Variants in PTPRN2 observed in about 807,000 individuals in gnomAD.
The protein encoded by PTPRN2 is protein tyrosine phosphatase receptor type N2.
A neutral mutation model predicts 118.8 loss-of-function variants in PTPRN2; 74 were observed. The ratio of observed to expected loss-of-function variants is 0.62; its 90% CI spans 0.52 to 0.76. The LOEUF is 0.76. Ranked by LOEUF, PTPRN2 falls within the 30% of genes least tolerant of loss-of-function variation. The probability of loss-of-function intolerance (pLI) is 0.00; values close to 1 mark genes in which losing one functional copy is unlikely to be tolerated. For synonymous variants in PTPRN2, 641 were observed against 608.0 expected (o/e 1.05, Z -0.80); for missense variants, 1,481 against 1,394.4 (o/e 1.06, Z -0.99).
intron 6 of PTPRN2, among the ~76,000 whole-genome samples, chr7:158,164,375 G>GC (rs1822707629): frequency 5.4e-5 from 2 of 37,034 alleles, no homozygotes; most frequent in African/African-American, 1.2e-4. Flanking sequence ...AGAGCAGGAG[G>GC]GTGCGTAGGA....
intron 11 of PTPRN2, among the ~76,000 whole-genome samples, chr7:157,972,147 C>T (rs1802381456): frequency 6.6e-6 from 1 of 152,202 alleles, no homozygotes; most frequent in Admixed American, 6.5e-5. Flanking sequence ...GAGCATATCA[C>T]AAGATTGCAC....
chr7:157,570,744 A>G (rs1799715177), intron 20 of PTPRN2, among the ~76,000 whole-genome samples: 1 of 152,212 alleles, frequency 6.6e-6, no homozygotes, highest in Non-Finnish European at 1.5e-5. Flanking sequence ...GTCCCTGTAC[A>G]TAACTGGCCC....
At chr7:158,415,444 C>A (rs1374887912) in intron 2 of PTPRN2, among the ~76,000 whole-genome samples, 2 of 152,152 alleles carry the variant, frequency 1.3e-5, no homozygotes, top group Non-Finnish European at 2.9e-5. Flanking sequence ...ACACTGGACA[C>A]CACCTGGGAC....
intron 2 of PTPRN2, among the ~76,000 whole-genome samples, chr7:158,338,623 C>T (rs1422111962): frequency 1.2e-5 from 1 of 82,064 alleles, no homozygotes; most frequent in African/African-American, 6.7e-5. Flanking sequence ...AGGACACTCA[C>T]ACCCATACTC....
At chr7:158,359,039 A>G (rs896774) in intron 2 of PTPRN2, among the ~76,000 whole-genome samples, 135,507 of 152,216 alleles carry the variant, frequency 0.89, 60,773 homozygotes, top group Non-Finnish European at 0.94. Context: ...AGTCTGGACT[A>G]TGAGGTTGAT....
At chr7:158,318,638 G>A (rs776268639) in intron 2 of PTPRN2, among the ~76,000 whole-genome samples, 29 of 152,226 alleles carry the variant, frequency 1.9e-4, no homozygotes, top group Non-Finnish European at 3.7e-4. Context: ...CGCAGAGCCC[G>A]CGAGCTGCAC....
At chr7:158,478,277 G>A (rs1820411278) in intron 2 of PTPRN2, among the ~76,000 whole-genome samples, 1 of 152,218 alleles carries the variant, frequency 6.6e-6, no homozygotes, top group East Asian at 1.9e-4. Flanking sequence ...GTGCACTGCA[G>A]TGGACGGCTA....
At position 157,539,206 on chromosome 7, in the gene PTPRN2, TAGAG is replaced by T. The variant is rs539446729; in HGVS notation, c.*1504_*1507del. On this transcript the variant is annotated 3_prime_UTR_variant, in exon 23 of 23. Transcript: ENST00000389418. ...TCATTTCGATTAATTAAATTCCAGA[TAGAG>T]AGAAGTAATTTTGGAAAAGAAATGA... The T allele has an allele frequency of 1.8e-4, 27 of 152,306 alleles. No individual in the cohort carries two copies. The highest frequency in any genetic ancestry group is 4.6e-4 in the African/African-American group (19 of 41,566). The allele number at this position is 152,306 out of a possible 1,614,324, so 9.4% of individuals were successfully genotyped here.
In PTPRN2 at chr7:158,144,133, A is replaced by G. The variant is rs562647277; in HGVS notation, c.911-5618T>C. 3.3e-5 allele frequency among the ~76,000 whole-genome samples: 5 copies of G among 152,352 alleles called. No homozygotes were observed. In the South Asian group the frequency reaches 1.0e-3, roughly 32 times the overall value. ...GGTTGTGATATTTTGACAAATGGTG[A>G]GAGAATAAAAATCATGTGACTTCTC... is the stretch of plus-strand genomic sequence containing the variant. On this transcript the variant is annotated intron_variant, in intron 6 of 22. Transcript: ENST00000389418.
chr7:157,716,996 A>G (rs1320308136), intron 12 of PTPRN2, among the ~76,000 whole-genome samples: 1 of 102,476 alleles, frequency 9.8e-6, no homozygotes, highest in Non-Finnish European at 1.9e-5. Context: ...CTGCCTGGCC[A>G]CGTAGACTCT....
intron 3 of PTPRN2, among the ~76,000 whole-genome samples, chr7:158,256,990 C>T (rs895284897): frequency 6.6e-6 from 1 of 152,160 alleles, no homozygotes; most frequent in African/African-American, 2.4e-5. Context: ...AGAAGATCCC[C>T]TGTAAATTCC....
rs1374629717 is a variant in PTPRN2, at chr7:157,598,726, G to A, written c.2419-3411C>T. Among the ~76,000 whole-genome samples, 38 of 152,238 alleles carry A rather than the reference G, an allele frequency of 2.5e-4. No homozygotes were observed. The highest frequency in any genetic ancestry group is 5.0e-4 in the Non-Finnish European group (34 of 68,040). On this transcript the variant is annotated intron_variant, in intron 16 of 22. Transcript: ENST00000389418. This position sits in a 1 kb window ranked among gnomAD's most constrained non-coding sequence, Gnocchi z 5.2. The stretch of plus-strand genomic sequence containing the variant: ...CAAGCTGTCAGGCGGTCTGCGGCCC[G>A]TGAACACGCGTCCATGCTGTCCTCA...
chr7:158,162,085 C>A (rs149018097), intron 6 of PTPRN2, among the ~76,000 whole-genome samples: 1 of 152,258 alleles, frequency 6.6e-6, no homozygotes, highest in Non-Finnish European at 1.5e-5. Context: ...TTGACAACAC[C>A]CAATGCAGGC....
intron 2 of PTPRN2, among the ~76,000 whole-genome samples, chr7:158,480,604 G>A (rs190833031): frequency 2.6e-5 from 4 of 152,324 alleles, no homozygotes; most frequent in Middle Eastern, 3.4e-3. Flanking sequence ...GAGGCCTCTC[G>A]TGTAAAACAG....
chr7:158,340,146 C>T (rs1806385682), intron 2 of PTPRN2, among the ~76,000 whole-genome samples: 1 of 86,880 alleles, frequency 1.2e-5, no homozygotes, highest in East Asian at 3.6e-4. Context: ...GTCACTCACA[C>T]CCACACTCTC....
chr7:158,266,724 A>G (rs1439347925), intron 3 of PTPRN2, among the ~76,000 whole-genome samples: 1 of 152,208 alleles, frequency 6.6e-6, no homozygotes, highest in Non-Finnish European at 1.5e-5. Flanking sequence ...CTGGGCAGAG[A>G]GATGAGAGTT....
At chr7:157,963,500 C>T (rs144601630) in intron 11 of PTPRN2, among the ~76,000 whole-genome samples, 384 of 152,392 alleles carry the variant, frequency 2.5e-3, no homozygotes, top group Non-Finnish European at 4.1e-3. Flanking sequence ...CACATAGATA[C>T]GTGTTACACA....
At chr7:158,330,842 T>C (rs112335581) in intron 2 of PTPRN2, among the ~76,000 whole-genome samples, 1,211 of 10,770 alleles carry the variant, frequency 0.11, 98 homozygotes, top group Middle Eastern at 0.3. Flanking sequence ...CACATCCACA[T>C]TCTCACCATA....
intron 2 of PTPRN2, among the ~76,000 whole-genome samples, chr7:158,476,552 G>A (rs552541103): frequency 3.3e-5 from 5 of 152,362 alleles, no homozygotes; most frequent in South Asian, 2.1e-4. Context: ...GACGCCGCTC[G>A]GGAGGGAGAG....
Sources: allele counts gnomAD v4.1 joint callset (sites outside exome capture counted in the v4.1 genomes callset), GRCh38; gene constraint gnomAD v4.1.1; non-coding constraint Gnocchi (gnomAD v3.1); transcripts MANE v1.5; gene names NCBI Gene and HGNC (gene_info 2026-07-23, HGNC 2026-07-21).